The following SYT13 variants were observed in gnomAD, a reference collection of about 807,000 sequenced individuals.
SYT13 encodes the protein synaptotagmin-13.
Under a neutral mutation model 38.6 loss-of-function variants are expected in SYT13, and 21 were observed. The observed-to-expected ratio is 0.54, with a 90% CI of 0.39 to 0.78. The LOEUF is 0.78. SYT13 is among the 30% of genes least tolerant of loss of function. The pLI is 0.00. For synonymous variants in SYT13, 241 were observed against 237.6 expected (o/e 1.01, Z -0.13); for missense variants, 495 against 548.7 (o/e 0.90, Z 0.98).
chr11:45,259,415 C>A (rs561398972), intron 1 of SYT13, among the ~76,000 whole-genome samples: 2 of 152,304 alleles, frequency 1.3e-5, no homozygotes, highest in South Asian at 4.1e-4. Flanking sequence ...TCACTGGGCT[C>A]AGCTCTGAAT....
intron 1 of SYT13, among the ~76,000 whole-genome samples, chr11:45,278,050 A>C (rs1052257588): frequency 2.5e-4 from 38 of 152,218 alleles, no homozygotes; most frequent in African/African-American, 8.9e-4. Flanking sequence ...GGAGGAACCC[A>C]CCTTTTTCAC....
At position 45,286,039 on chromosome 11, in the gene SYT13, C is replaced by A; in HGVS notation, c.169G>T (p.Gly57Trp). Reference protein sequence around the residue: ...DLEKAKPSLLGSAQQFNVKKS... With the variant: ...DLEKAKPSLLWSAQQFNVKKS... ...CCCCCGCTCACCTGTTGTGCAGACC[C>A]GAGCAAGCTGGGCTTCGCCTTCTCC... The change falls in exon 1 of 6, where the codon GGG becomes TGG. Residue 57 changes from glycine to tryptophan, a missense_variant. Physicochemically the swap from Gly to Trp is radical, Grantham distance 184. Transcript: ENST00000020926. The A allele has an allele frequency of 6.2e-7, 1 of 1,608,572 alleles. No homozygotes were observed.
rs1854738991 is a variant in SYT13, at chr11:45,255,832, G to A, written c.243C>T (p.Asp81=). 1 of 1,614,170 alleles carries A rather than the reference G, an allele frequency of 6.2e-7. No individual in the cohort carries two copies. The change falls in exon 2 of 6, where the codon GAC becomes GAT. Residue 81 remains aspartate, a synonymous_variant. Transcript: ENST00000020926. ...TCACAGCTGGCCTGGGTCCATAGAT[G>A]TCTGGGAACTTGAGGAGGGCACGGG... ...VQPRALLKFP[D]IYGPRPAVTA... is the part of the protein sequence containing the mutation.
At chr11:45,266,280 A>G (rs778646864) in intron 1 of SYT13, among the ~76,000 whole-genome samples, 1 of 152,180 alleles carries the variant, frequency 6.6e-6, no homozygotes, top group African/African-American at 2.4e-5. Flanking sequence ...CAGAGGCAGA[A>G]GCTGACACGT....
intron 1 of SYT13, among the ~76,000 whole-genome samples, chr11:45,271,817 A>G (rs886214035): frequency 1.3e-5 from 2 of 152,182 alleles, no homozygotes; most frequent in African/African-American, 2.4e-5. Flanking sequence ...GGAATCCAAG[A>G]GTGAGAGCTG....
At chr11:45,279,922 C>T (rs1385069880) in intron 1 of SYT13, among the ~76,000 whole-genome samples, 2 of 152,154 alleles carry the variant, frequency 1.3e-5, no homozygotes, top group Non-Finnish European at 2.9e-5. Flanking sequence ...ACAACCTGCA[C>T]TGGAGAAAAT....
intron 1 of SYT13, among the ~76,000 whole-genome samples, chr11:45,272,725 T>C (rs568368263): frequency 2.0e-5 from 3 of 152,210 alleles, no homozygotes; most frequent in African/African-American, 7.2e-5. Flanking sequence ...ATGAGAACTA[T>C]TTTTCCTCAG....
In SYT13 at chr11:45,254,264, C is replaced by T. The variant is rs201844413; in HGVS notation, c.544+6G>A. ...GAAGCCCACGAGAGTCAAATAAGAGCCATACCTTCCAGGCGAGTCACAAAC... is the reference window on the plus strand; with the variant it reads ...GAAGCCCACGAGAGTCAAATAAGAGTCATACCTTCCAGGCGAGTCACAAAC... On this transcript the variant is annotated splice_donor_region_variant and intron_variant, in intron 3 of 5. Transcript: ENST00000020926. 1.9e-6 allele frequency: 3 copies of T among 1,607,066 alleles called. No individual in the cohort carries two copies. The African/African-American group carries it at 4.0e-5, about 21-fold the overall frequency.
chr11:45,241,093 A>C lies in SYT13; in HGVS notation c.*2959T>G, dbSNP rs970864278. ...CTCTTCATCTGTTGATTACATTTAC[A>C]TGGAGAGCAATGAGTTGCCATTAGG... On this transcript the variant is annotated 3_prime_UTR_variant, in exon 6 of 6. Coordinates refer to ENST00000020926, the MANE Select transcript of SYT13 (RefSeq NM_020826.3). The C allele has an allele frequency of 2.7e-4, 41 of 152,248 alleles. No homozygotes were observed. The highest frequency in any genetic ancestry group is 6.5e-5 in the Admixed American group (1 of 15,288). 9.4% of individuals were successfully genotyped at this position (152,248 alleles called of 1,614,324 possible).
chr11:45,286,176 C>T lies in SYT13; in HGVS notation c.32G>A (p.Gly11Asp), dbSNP rs749859158. 1 of 1,579,332 alleles carries T rather than the reference C, an allele frequency of 6.3e-7. No individual in the cohort carries two copies. The highest frequency in any genetic ancestry group is 1.9e-5 in the Admixed American group (1 of 53,946). Residue 11 changes from glycine to aspartate, a missense_variant, in exon 1 of 6, where the codon GGC becomes GAC. Physicochemically the swap from Gly to Asp is moderately conservative, Grantham distance 94 (BLOSUM62 -1). Coordinates refer to ENST00000020926, the MANE Select transcript of SYT13 (RefSeq NM_020826.3). MVLSVPVIAL[G>D]ATLGTATSIL... ...GCTGGTGGCTGTGCCCAGCGTGGCGCCCAGCGCGATCACAGGCACCGACAG... is the reference window on the plus strand; with the variant it reads ...GCTGGTGGCTGTGCCCAGCGTGGCGTCCAGCGCGATCACAGGCACCGACAG...
At chr11:45,277,742 T>C (rs890292449) in intron 1 of SYT13, among the ~76,000 whole-genome samples, 4 of 152,226 alleles carry the variant, frequency 2.6e-5, no homozygotes, top group African/African-American at 9.6e-5. Flanking sequence ...GCTCGCAGTT[T>C]GGCCATCACT....
chr11:45,249,333 A>G lies in SYT13; in HGVS notation c.847-2821T>C, dbSNP rs560130599. ...TAAACTAGTTCAACCATTGTGGAAG[A>G]CAGTGTGGCAATTCCTCAAGGATCT... is the stretch of plus-strand genomic sequence containing the variant. On this transcript the variant is annotated intron_variant, in intron 4 of 5. Coordinates refer to ENST00000020926, the MANE Select transcript of SYT13 (RefSeq NM_020826.3). Among the ~76,000 whole-genome samples, 19 of 152,362 alleles carry G rather than the reference A, an allele frequency of 1.2e-4. No homozygotes were observed. In the South Asian group the frequency reaches 2.5e-3, roughly 20 times the overall value.
chr11:45,256,000 G>A, intron 1 of SYT13, 109 bp from the exon 2 acceptor site: 1 of 1,164,322 alleles, frequency 8.6e-7, no homozygotes, highest in Non-Finnish European at 1.2e-6. Context: ...CAGAGGGAGA[G>A]TTGTGGTTTC....
intron 4 of SYT13, 78 bp from the exon 5 acceptor site, chr11:45,246,590 G>A (rs1008816878): frequency 6.5e-7 from 1 of 1,544,164 alleles, no homozygotes. Context: ...GCTGAAGCTG[G>A]AACCATGCTG....
chr11:45,277,033 G>A (rs906944236), intron 1 of SYT13, among the ~76,000 whole-genome samples: 2 of 152,068 alleles, frequency 1.3e-5, no homozygotes, highest in African/African-American at 4.8e-5. Flanking sequence ...TAAACAAAAT[G>A]CCATGTACCC....
chr11:45,266,531 CACAT>C (rs1407893153), intron 1 of SYT13, among the ~76,000 whole-genome samples: 4 of 144,642 alleles, frequency 2.8e-5, no homozygotes, highest in East Asian at 4.0e-4. Context: ...CACACACACA[CACAT>C]ACACACATCC....
At chr11:45,253,237 T>A (rs1854700864) in intron 3 of SYT13, among the ~76,000 whole-genome samples, 1 of 152,204 alleles carries the variant, frequency 6.6e-6, no homozygotes, top group South Asian at 2.1e-4. Flanking sequence ...GACTGGCTCT[T>A]CAGGGATCGT....
intron 4 of SYT13, among the ~76,000 whole-genome samples, chr11:45,249,616 G>A (rs2135887442): frequency 6.6e-6 from 1 of 152,248 alleles, no homozygotes; most frequent in East Asian, 1.9e-4. Context: ...GGATGAAGCT[G>A]GAAACTATCA....
intron 1 of SYT13, among the ~76,000 whole-genome samples, chr11:45,265,083 G>A (rs1042274693): frequency 1.3e-5 from 2 of 152,220 alleles, no homozygotes; most frequent in Admixed American, 6.5e-5. Context: ...AACGCTGAAA[G>A]CAGCCCAGCC....
Sources: allele counts gnomAD v4.1 joint callset (sites outside exome capture counted in the v4.1 genomes callset), GRCh38; gene constraint gnomAD v4.1.1; transcripts MANE v1.5; gene names NCBI Gene and HGNC (gene_info 2026-07-23, HGNC 2026-07-21).